Variants in ASAP2 observed in about 807,000 individuals in gnomAD.
The protein encoded by ASAP2 is ArfGAP with SH3 domain, ankyrin repeat and PH domain 2.
Under a neutral mutation model 131.4 loss-of-function variants are expected in ASAP2, and 45 were observed. The observed-to-expected ratio is 0.34, with a 90% CI of 0.27 to 0.44. The LOEUF is 0.44. ASAP2 is among the 20% of genes least tolerant of loss of function. The probability of loss-of-function intolerance (pLI) is 1.00; values close to 1 mark genes in which losing one functional copy is unlikely to be tolerated. For missense variants in ASAP2, 1,011 were observed against 1,297.0 expected, an observed-to-expected ratio of 0.78 and a Z score of 3.39; for synonymous variants, 510 against 503.0, an observed-to-expected ratio of 1.01 and a Z score of -0.19.
chr2:9,273,555 A>C (rs927050486), intron 1 of ASAP2, among the ~76,000 whole-genome samples: 1 of 152,330 alleles, frequency 6.6e-6, no homozygotes, highest in Middle Eastern at 3.4e-3. Context: ...GAATTTTATT[A>C]TTATTCGAAT....
chr2:9,261,640 C>T (rs1466980587), intron 1 of ASAP2, among the ~76,000 whole-genome samples: 3 of 152,210 alleles, frequency 2.0e-5, no homozygotes, highest in Non-Finnish European at 4.4e-5. Flanking sequence ...CCTGGGAGCA[C>T]TTTGGGAGCT....
intron 2 of ASAP2, among the ~76,000 whole-genome samples, chr2:9,288,053 T>G (rs1667577815): frequency 6.6e-6 from 1 of 152,156 alleles, no homozygotes; most frequent in Non-Finnish European, 1.5e-5. Flanking sequence ...TCAGTGGTTC[T>G]TTAATCTTTT....
intron 5 of ASAP2, among the ~76,000 whole-genome samples, chr2:9,321,202 C>T (rs907959494): frequency 4.6e-5 from 7 of 151,962 alleles, no homozygotes; most frequent in Admixed American, 4.6e-4. Flanking sequence ...ACAAGTATTT[C>T]ATTAGATTGT....
intron 11 of ASAP2, among the ~76,000 whole-genome samples, chr2:9,346,094 C>T (rs985317948): frequency 2.6e-5 from 4 of 152,078 alleles, no homozygotes; most frequent in Non-Finnish European, 5.9e-5. Context: ...CCGTACTCCC[C>T]CTGCCCCCGC....
At chr2:9,262,690 G>A (rs906850229) in intron 1 of ASAP2, among the ~76,000 whole-genome samples, 1 of 152,156 alleles carries the variant, frequency 6.6e-6, no homozygotes, top group Admixed American at 6.5e-5. Context: ...CAGTCACAAG[G>A]TGTACTTTTT....
At chr2:9,301,820 C>CTTTTTTTTTTTTTTTTTTTTTT (rs1177064910) in intron 3 of ASAP2, among the ~76,000 whole-genome samples, 6 of 115,410 alleles carry the variant, frequency 5.2e-5, no homozygotes, top group African/African-American at 2.1e-4. Flanking sequence ...TATCCATCAT[C>CTTTTTTTTTTTTTTTTTTTTTT]TTTTTTTTTT....
rs76823898 is a variant in ASAP2, at chr2:9,299,607, C to G, written c.345+2162C>G. 1.2e-3 allele frequency among the ~76,000 whole-genome samples: 187 copies of G among 152,244 alleles called. 2 individuals carry two copies. In the East Asian group the frequency reaches 0.033, roughly 27 times the overall value. On this transcript the variant is annotated intron_variant, in intron 3 of 27. Transcript: ENST00000281419. ...GAAGGGAATTCCAAGAGGATCATGGCGAAGGGAAGTCCCAGCGGGGCTGCC... is the reference window on the plus strand; with the variant it reads ...GAAGGGAATTCCAAGAGGATCATGGGGAAGGGAAGTCCCAGCGGGGCTGCC...
rs372970440 is a variant in ASAP2, at chr2:9,400,756, A to G, written c.2749A>G (p.Thr917Ala). Reference protein sequence around the residue: ...QPRGPVDLSATEALGPLSNAM... With the variant: ...QPRGPVDLSAAEALGPLSNAM... Reference sequence around the variant, plus strand: ...TTGCCCTACAGTGGATCTCTCTGCAACGGAAGCTCTGGGTCCTCTGTCCAA... The same window carrying G: ...TTGCCCTACAGTGGATCTCTCTGCAGCGGAAGCTCTGGGTCCTCTGTCCAA... Residue 917 changes from threonine (T) to alanine (A), a missense_variant, in exon 26 of 28, where the codon ACG becomes GCG. By Grantham distance (58) the Thr-to-Ala change is moderately conservative. Coordinates refer to ENST00000281419, the MANE Select transcript of ASAP2 (RefSeq NM_003887.3). The G allele has an allele frequency of 5.0e-6, 8 of 1,613,630 alleles. No homozygotes were observed. The highest frequency in any genetic ancestry group is 4.0e-5 in the African/African-American group (3 of 74,916).
At chr2:9,357,294 C>G (rs1329776020) in intron 14 of ASAP2, among the ~76,000 whole-genome samples, 6 of 151,904 alleles carry the variant, frequency 3.9e-5, no homozygotes, top group Non-Finnish European at 8.8e-5. Flanking sequence ...GCCTGGCCAA[C>G]ATGGTGAAAA....
At chr2:9,375,644 C>T (rs1265440077) in intron 17 of ASAP2, among the ~76,000 whole-genome samples, 1 of 152,162 alleles carries the variant, frequency 6.6e-6, no homozygotes, top group Non-Finnish European at 1.5e-5. Flanking sequence ...ATTTATTCTC[C>T]TTGTCTAAAA....
intron 1 of ASAP2, among the ~76,000 whole-genome samples, chr2:9,277,520 T>G (rs1666834283): frequency 6.6e-6 from 1 of 152,228 alleles, no homozygotes; most frequent in Non-Finnish European, 1.5e-5. Flanking sequence ...CTCTACTCTT[T>G]AGTATGGCAG....
In ASAP2 at chr2:9,335,016, C is replaced by G. The variant is rs1671107215; in HGVS notation, c.763-77C>G. 7 of 1,464,308 alleles carry G rather than the reference C, an allele frequency of 4.8e-6. No homozygotes were observed. The Admixed American group carries it at 1.0e-4, about 21-fold the overall frequency. 90.7% of individuals were successfully genotyped at this position (1,464,308 alleles called of 1,614,324 possible). On this transcript the variant is annotated intron_variant, in intron 8 of 27. Coordinates refer to ENST00000281419, the MANE Select transcript of ASAP2 (RefSeq NM_003887.3). ...AGTTGTCGCATTGTGTGGAAATGGC[C>G]CCATGAGCACCAACGTTTCACTGTA...
rs1334784896 is a variant in ASAP2, at chr2:9,320,336, A to C, written c.469A>C (p.Ile157Leu). ...AGCTTGGAAGGACTATGAAACAAAA[A>C]TGTGAGTGTTCTCGTTTTTAAATTT... ...DKAWKDYETK[I>L]TKIEKEKKEH... The change falls in exon 5 of 28, where the codon ATA becomes CTA. Residue 157 changes from isoleucine to leucine, a missense_variant and splice_region_variant. Ile to Leu is a conservative substitution (Grantham distance 5, BLOSUM62 2). Transcript: ENST00000281419. The C allele has an allele frequency of 6.2e-7, 1 of 1,608,576 alleles. No individual in the cohort carries two copies. Among genetic ancestry groups the C allele is most frequent in the Non-Finnish European group, 8.5e-7 (1 of 1,177,970 alleles).
At chr2:9,328,410 A>G (rs1670612665) in intron 7 of ASAP2, among the ~76,000 whole-genome samples, 1 of 152,330 alleles carries the variant, frequency 6.6e-6, no homozygotes, top group East Asian at 1.9e-4. Context: ...TAATTGCCAG[A>G]TATATTTATT....
chr2:9,294,796 C>T (rs970286383), intron 2 of ASAP2, among the ~76,000 whole-genome samples: 10 of 152,126 alleles, frequency 6.6e-5, no homozygotes, highest in African/African-American at 1.7e-4. Context: ...TGCCCAGCAC[C>T]GTGAAGGAGG....
intron 1 of ASAP2, among the ~76,000 whole-genome samples, chr2:9,242,277 C>A (rs2148081165): frequency 6.6e-6 from 1 of 152,330 alleles, no homozygotes; most frequent in East Asian, 1.9e-4. Context: ...GATTCAGTTC[C>A]TTGCTGACAC....
At chr2:9,271,737 G>A (rs563895249) in intron 1 of ASAP2, 9 of 425,776 alleles carry the variant, frequency 2.1e-5, no homozygotes, top group African/African-American at 4.1e-5. Flanking sequence ...CTGAGTCCTC[G>A]GCAGTGGCTC....
intron 11 of ASAP2, among the ~76,000 whole-genome samples, chr2:9,350,003 C>T (rs1250299435): frequency 6.6e-6 from 1 of 152,132 alleles, no homozygotes; most frequent in Non-Finnish European, 1.5e-5. Flanking sequence ...GTAAGATAAG[C>T]CCACTCCCAT....
At chr2:9,391,688 C>T (rs1165747504) in intron 23 of ASAP2, among the ~76,000 whole-genome samples, 8 of 151,302 alleles carry the variant, frequency 5.3e-5, no homozygotes, top group Admixed American at 4.6e-4. Context: ...GATCGTCCTG[C>T]CTCAGCCTCC....
Sources: allele counts gnomAD v4.1 joint callset (sites outside exome capture counted in the v4.1 genomes callset), GRCh38; gene constraint gnomAD v4.1.1; transcripts MANE v1.5; gene names NCBI Gene and HGNC (gene_info 2026-07-23, HGNC 2026-07-21).